The following MFSD11 variants were observed in gnomAD, a reference collection of about 807,000 sequenced individuals.
MFSD11 encodes major facilitator superfamily domain containing 11.
Under a neutral mutation model 53.5 loss-of-function variants are expected in MFSD11, and 36 were observed. The ratio of observed to expected loss-of-function variants is 0.67; its 90% CI spans 0.52 to 0.89. The LOEUF is 0.89. MFSD11 is among the 40% of genes least tolerant of loss of function. MFSD11 has a pLI of 0.00. For synonymous variants in MFSD11, 186 were observed against 184.9 expected (o/e 1.01, Z -0.05); for missense variants, 530 against 543.9 (o/e 0.97, Z 0.25).
chr17:76,773,956 T>C lies in MFSD11; in HGVS notation c.875-1041T>C, dbSNP rs564134780. Reference sequence around the variant, plus strand: ...TTTTTATTTTTTTGAGACAGAGTCTTGCTCTGTCACCCGTGCTGGAGTGCA... The same window carrying C: ...TTTTTATTTTTTTGAGACAGAGTCTCGCTCTGTCACCCGTGCTGGAGTGCA... On this transcript the variant is annotated intron_variant, in intron 10 of 12. Transcript: ENST00000685175. Among the ~76,000 whole-genome samples the C allele has an allele frequency of 7.9e-4, 120 of 151,916 alleles. No individual in the cohort carries two copies. In the South Asian group the frequency reaches 0.013, roughly 16 times the overall value.
intron 8 of MFSD11, among the ~76,000 whole-genome samples, chr17:76,754,699 A>AAG (rs397700711): frequency 6.6e-6 from 1 of 150,424 alleles, no homozygotes. Context: ...AAAAAAAAAA[A>AAG]GAGCAGATTG....
In MFSD11 at chr17:76,741,072, G is replaced by T. The variant is rs2078037232; in HGVS notation, c.260+8G>T. 6.8e-7 allele frequency: 1 copy of T among 1,473,652 alleles called. No homozygotes were observed. The highest frequency in any genetic ancestry group is 1.1e-5 in the South Asian group (1 of 87,672). 91.3% of individuals were successfully genotyped at this position (1,473,652 alleles called of 1,614,324 possible). A position where few individuals can be genotyped will look rare whatever the true frequency, so the allele number is the denominator to read the frequency against. On this transcript the variant is annotated splice_region_variant and intron_variant, in intron 3 of 12. Coordinates refer to ENST00000685175, the MANE Select transcript of MFSD11 (RefSeq NM_001242532.5). The stretch of plus-strand genomic sequence containing the variant: ...CAGTGGTTTATTTTACAGGTAAGTA[G>T]TGTAATCTTGCACTTATTTAATCAG...
chr17:76,775,067 C>G lies in MFSD11; in HGVS notation c.945C>G (p.Ile315Met). Reference sequence around the variant, plus strand: ...GAAATCCAGTTGTGCTGTTGGGCATCCTGGTGCACTTCATAGCTTTTTATC... The same window carrying G: ...GAAATCCAGTTGTGCTGTTGGGCATGCTGGTGCACTTCATAGCTTTTTATC... ...FGRNPVVLLG[I>M]LVHFIAFYLI... Residue 315 changes from isoleucine to methionine, a missense_variant, in exon 11 of 13, where the codon ATC (isoleucine) becomes ATG (methionine). By Grantham distance (10) the Ile-to-Met change is conservative. Transcript: ENST00000685175. The G allele has an allele frequency of 6.2e-7, 1 of 1,614,044 alleles. No individual in the cohort carries two copies. Among genetic ancestry groups the G allele is most frequent in the Non-Finnish European group, 8.5e-7 (1 of 1,179,966 alleles).
At chr17:76,785,177 G>C (rs897429186), downstream of MFSD11, among the ~76,000 whole-genome samples, 4 of 152,202 alleles carry the variant, frequency 2.6e-5, no homozygotes, top group Non-Finnish European at 5.9e-5. Context: ...GATGGACCTG[G>C]AGGACATTAT....
In MFSD11 at chr17:76,778,263, T is replaced by C. The variant is rs1235567088; in HGVS notation, c.1261T>C (p.Phe421Leu). Residue 421 changes from phenylalanine to leucine, a missense_variant, in exon 13 of 13, where the codon TTT becomes CTT. Physicochemically the swap from Phe to Leu is conservative, Grantham distance 22. Transcript: ENST00000685175. ...LHWQLLVMVI[F>L]GFFGTISFFT... ...CTGGCAACTCCTGGTCATGGTGATA[T>C]TTGGGTTTTTTGGAACAATTTCTTT... is the stretch of plus-strand genomic sequence containing the variant. 2 of 1,614,138 alleles carry C rather than the reference T, an allele frequency of 1.2e-6. No individual in the cohort carries two copies. The highest frequency in any genetic ancestry group is 1.7e-6 in the Non-Finnish European group (2 of 1,180,024).
chr17:76,786,213 C>T (rs1476236690), downstream of MFSD11, among the ~76,000 whole-genome samples: 3 of 139,052 alleles, frequency 2.2e-5, no homozygotes, highest in African/African-American at 2.7e-5. Context: ...GGTGTGATCT[C>T]GGCTCACTGC....
chr17:76,737,666 C>T, upstream of MFSD11: 1 of 186,836 alleles, frequency 5.4e-6, no homozygotes, highest in East Asian at 9.7e-5. Context: ...TGCCAATACT[C>T]CAAGTTCACG....
intron 8 of MFSD11, 176 bp downstream of exon 8, chr17:76,754,263 G>A: frequency 1.8e-6 from 1 of 562,914 alleles, no homozygotes; most frequent in Non-Finnish European, 3.2e-6. Context: ...CATGGGGGTT[G>A]TGAGGGATGG....
At chr17:76,762,860 C>G (rs2080422219) in intron 8 of MFSD11, among the ~76,000 whole-genome samples, 1 of 151,972 alleles carries the variant, frequency 6.6e-6, no homozygotes, top group African/African-American at 2.4e-5. Flanking sequence ...TTTAGATAAA[C>G]TCCCCACATT....
At chr17:76,753,433 G>T (rs147426312) in intron 7 of MFSD11, among the ~76,000 whole-genome samples, 3 of 152,260 alleles carry the variant, frequency 2.0e-5, no homozygotes, top group Non-Finnish European at 4.4e-5. Flanking sequence ...AGCACTTCAG[G>T]ATGCTGAGGC....
downstream of MFSD11, among the ~76,000 whole-genome samples, chr17:76,781,777 G>A (rs2082168743): frequency 6.6e-6 from 1 of 152,074 alleles, no homozygotes; most frequent in African/African-American, 2.4e-5. Flanking sequence ...CTTTTCCTAG[G>A]CTGCCTCCTA....
chr17:76,795,977 ACTT>A, the MFSD11 span, among the ~76,000 whole-genome samples: 1 of 151,860 alleles, frequency 6.6e-6, no homozygotes, highest in Non-Finnish European at 1.5e-5. Flanking sequence ...TCAGGCCCAT[ACTT>A]CTTTGCCTGA....
intron 8 of MFSD11, among the ~76,000 whole-genome samples, chr17:76,756,757 G>A (rs926816281): frequency 3.3e-5 from 5 of 151,984 alleles, no homozygotes; most frequent in Admixed American, 1.3e-4. Flanking sequence ...CTACTCAGGA[G>A]GCTGAGGCTG....
At chr17:76,792,127 T>TC in the MFSD11 span, among the ~76,000 whole-genome samples, 9 of 148,210 alleles carry the variant, frequency 6.1e-5, 2 homozygotes, top group African/African-American at 2.3e-4. Flanking sequence ...AGGCACCCTT[T>TC]TTTTTTTTTG....
At chr17:76,760,927 C>T (rs768926254) in intron 8 of MFSD11, among the ~76,000 whole-genome samples, 6 of 152,020 alleles carry the variant, frequency 3.9e-5, no homozygotes, top group South Asian at 2.1e-4. Context: ...CATTGCTGGC[C>T]GGGCGCAGTG....
At chr17:76,755,699 CAT>C (rs558837821) in intron 8 of MFSD11, among the ~76,000 whole-genome samples, 256 of 131,840 alleles carry the variant, frequency 1.9e-3, no homozygotes, top group Middle Eastern at 5.0e-3. Context: ...TAGTTTTTTA[CAT>C]ATATATATGT....
the MFSD11 span, among the ~76,000 whole-genome samples, chr17:76,797,785 G>A: frequency 1.3e-5 from 2 of 152,120 alleles, no homozygotes; most frequent in Non-Finnish European, 2.9e-5. Context: ...CTAAATCCAG[G>A]CCGTCCATAC....
In MFSD11 at chr17:76,767,528, T is replaced by A; in HGVS notation, c.748+77T>A. 7 of 907,380 alleles carry A rather than the reference T, an allele frequency of 7.7e-6. No individual in the cohort carries two copies. The South Asian group carries it at 1.0e-4, about 13-fold the overall frequency. 56.2% of individuals were successfully genotyped at this position (907,380 alleles called of 1,614,324 possible). On this transcript the variant is annotated intron_variant, in intron 9 of 12. Coordinates refer to ENST00000685175, the MANE Select transcript of MFSD11 (RefSeq NM_001242532.5). ...GTTGAAAACGAGCCACGTTATTATT[T>A]CTCACAATTCTGTGCAGTGACTGGA...
chr17:76,778,160 C>T (rs373912939), intron 12 of MFSD11, 28 bp from the exon 13 acceptor site: 43 of 1,613,096 alleles, frequency 2.7e-5, no homozygotes, highest in African/African-American at 2.1e-4. Context: ...CCGGTGCGCC[C>T]GTTGTGATTT....
Sources: allele counts gnomAD v4.1 joint callset (sites outside exome capture counted in the v4.1 genomes callset), GRCh38; gene constraint gnomAD v4.1.1; transcripts MANE v1.5; gene names NCBI Gene and HGNC (gene_info 2026-07-23, HGNC 2026-07-21).